HCN1: variants seen among roughly 807,000 people sequenced by gnomAD.
HCN1 encodes hyperpolarization activated cyclic nucleotide gated potassium channel 1.
In HCN1, 13 loss-of-function variants were observed where a neutral mutation model predicts 78.9. That is an observed-to-expected ratio of 0.16 (90% CI 0.11 to 0.26). The LOEUF (loss-of-function observed/expected upper bound fraction) is 0.26, where lower values mean the gene tolerates loss of function less well. HCN1 is among the 10% of genes least tolerant of loss of function. The pLI is 1.00. For missense variants in HCN1, 810 were observed against 1,154.3 expected (o/e 0.70, Z 4.32); for synonymous variants, 552 against 455.5 (o/e 1.21, Z -2.70).
At chr5:45,329,952 G>C (rs1028834760) in intron 5 of HCN1, among the ~76,000 whole-genome samples, 1 of 151,260 alleles carries the variant, frequency 6.6e-6, no homozygotes, top group Non-Finnish European at 1.5e-5. Flanking sequence ...CCAGATAGGA[G>C]AGCAAAGACC....
chr5:45,376,933 G>C (rs1747693444), intron 4 of HCN1, among the ~76,000 whole-genome samples: 2 of 151,970 alleles, frequency 1.3e-5, no homozygotes, highest in South Asian at 4.1e-4. Flanking sequence ...CACTGGTCTA[G>C]AATAAGAAGA....
In HCN1 at chr5:45,583,864, G is replaced by C. The variant is rs537763833; in HGVS notation, c.849+61321C>G. 5.9e-5 allele frequency among the ~76,000 whole-genome samples: 9 copies of C among 152,176 alleles called. No homozygotes were observed. In the East Asian group the frequency reaches 1.4e-3, roughly 23 times the overall value. On this transcript the variant is annotated intron_variant, in intron 2 of 7. Transcript: ENST00000303230. ...GTGAGTTTCTTAATCCTGAGTTCTAGTTTGATTGCAAAATCTGTGGTCTGA... is the reference window on the plus strand; with the variant it reads ...GTGAGTTTCTTAATCCTGAGTTCTACTTTGATTGCAAAATCTGTGGTCTGA...
At chr5:45,491,044 A>G (rs77505492) in intron 2 of HCN1, among the ~76,000 whole-genome samples, 356 of 152,244 alleles carry the variant, frequency 2.3e-3, no homozygotes, top group African/African-American at 8.1e-3. Context: ...CCCTTGCTAT[A>G]TAAACACTTT....
chr5:45,544,685 G>A (rs1286960791), intron 2 of HCN1, among the ~76,000 whole-genome samples: 2 of 142,760 alleles, frequency 1.4e-5, no homozygotes, highest in East Asian at 2.2e-4. Context: ...CCACCTATGA[G>A]TGAGAACATG....
chr5:45,416,638 C>A (rs752149671), intron 3 of HCN1, among the ~76,000 whole-genome samples: 1 of 151,876 alleles, frequency 6.6e-6, no homozygotes, highest in Non-Finnish European at 1.5e-5. Flanking sequence ...ATACACAGTA[C>A]TATATATATG....
At chr5:45,593,806 C>G (rs1000791137) in intron 2 of HCN1, among the ~76,000 whole-genome samples, 53 of 152,134 alleles carry the variant, frequency 3.5e-4, no homozygotes, top group African/African-American at 1.3e-3. Flanking sequence ...TCCTGAGTAG[C>G]TGGAATTACA....
At chr5:45,691,762 T>C (rs1739917195) in intron 1 of HCN1, among the ~76,000 whole-genome samples, 1 of 152,162 alleles carries the variant, frequency 6.6e-6, no homozygotes, top group Non-Finnish European at 1.5e-5. Context: ...GTTCTCTCTA[T>C]TATGAACTGT....
intron 2 of HCN1, among the ~76,000 whole-genome samples, chr5:45,538,726 A>T (rs369233064): frequency 6.6e-6 from 1 of 152,192 alleles, no homozygotes; most frequent in African/African-American, 2.4e-5. Flanking sequence ...ATCAATGTAC[A>T]TTATCGAATT....
At chr5:45,580,299 T>C (rs1744036000) in intron 2 of HCN1, among the ~76,000 whole-genome samples, 2 of 151,940 alleles carry the variant, frequency 1.3e-5, no homozygotes, top group African/African-American at 4.8e-5. Flanking sequence ...AAGAGGAGAA[T>C]CAGAAGAGCT....
rs111488496 is a variant in HCN1 at position 45,354,703 on chromosome 5, C to T, written c.1231-1457G>A. ...AAGGAAATACCACTTTGTCGTGAGA[C>T]TTTCTTTGATAACCAGACTGTCCAT... On this transcript the variant is annotated intron_variant, in intron 4 of 7. Transcript: ENST00000303230. Among the ~76,000 whole-genome samples, 10 of 152,084 alleles carry T rather than the reference C, an allele frequency of 6.6e-5. 1 individual carries two copies. Among genetic ancestry groups the T allele is most frequent in the East Asian group, 5.8e-4 (3 of 5,166 alleles).
At chr5:45,395,682 A>C (rs1739672301) in intron 4 of HCN1, among the ~76,000 whole-genome samples, 1 of 152,196 alleles carries the variant, frequency 6.6e-6, no homozygotes, top group South Asian at 2.1e-4. Context: ...CTCTTTGGCA[A>C]GGTGCATGAC....
At chr5:45,479,783 T>C (rs1455564430) in intron 2 of HCN1, among the ~76,000 whole-genome samples, 1 of 152,178 alleles carries the variant, frequency 6.6e-6, no homozygotes. Flanking sequence ...CTGTAGGCAG[T>C]TACATACACG....
At chr5:45,329,835 G>A (rs866888846) in intron 5 of HCN1, among the ~76,000 whole-genome samples, 1 of 151,210 alleles carries the variant, frequency 6.6e-6, no homozygotes. Flanking sequence ...GTGACTTATG[G>A]CTTAGAAGGT....
At chr5:45,584,484 A>G (rs1744158856) in intron 2 of HCN1, among the ~76,000 whole-genome samples, 2 of 151,822 alleles carry the variant, frequency 1.3e-5, no homozygotes, top group Non-Finnish European at 2.9e-5. Context: ...TCTTTATCCA[A>G]TTTGCCAGTC....
intron 3 of HCN1, among the ~76,000 whole-genome samples, chr5:45,439,221 T>G (rs1054384927): frequency 5.3e-5 from 8 of 152,108 alleles, no homozygotes; most frequent in Admixed American, 3.9e-4. Flanking sequence ...ATATTTTCCT[T>G]ATGAATTTTA....
intron 2 of HCN1, among the ~76,000 whole-genome samples, chr5:45,638,223 G>A (rs555033246): frequency 1.3e-5 from 2 of 152,246 alleles, no homozygotes; most frequent in Admixed American, 6.5e-5. Flanking sequence ...AACCTACTGA[G>A]CTTGAGGAAC....
chr5:45,603,446 C>G (rs980851006), intron 2 of HCN1, among the ~76,000 whole-genome samples: 1 of 152,056 alleles, frequency 6.6e-6, no homozygotes, highest in Admixed American at 6.6e-5. Context: ...ATTATGTAAT[C>G]TGGCATCTAA....
chr5:45,491,125 A>G (rs1741873849), intron 2 of HCN1, among the ~76,000 whole-genome samples: 1 of 152,186 alleles, frequency 6.6e-6, no homozygotes, highest in Admixed American at 6.6e-5. Context: ...GCAAAGTAAT[A>G]AGCGAATCAC....
chr5:45,423,985 C>T (rs1740284093), intron 3 of HCN1, among the ~76,000 whole-genome samples: 1 of 151,866 alleles, frequency 6.6e-6, no homozygotes, highest in Non-Finnish European at 1.5e-5. Flanking sequence ...AGAATAAAAA[C>T]ATTAAAGCAG....
Sources: gnomAD v4.1 joint callset for allele counts (sites outside exome capture counted in the v4.1 genomes callset) on GRCh38, gnomAD v4.1.1 for gene constraint, MANE v1.5 for transcripts, NCBI Gene and HGNC (gene_info 2026-07-23, HGNC 2026-07-21) for gene names.